Variants in SPDYE12 observed in about 807,000 individuals in gnomAD.
The protein encoded by SPDYE12 is speedy protein E12.
At chr7:74,910,373 A>C in the SPDYE12 span, among the ~76,000 whole-genome samples, 1 of 150,652 alleles carries the variant, frequency 6.6e-6, no homozygotes, top group Non-Finnish European at 1.5e-5. Flanking sequence ...CAGAAAAAAA[A>C]ATGTGTGGGT....
chr7:74,904,626 G>A, the SPDYE12 span, among the ~76,000 whole-genome samples: 1 of 151,288 alleles, frequency 6.6e-6, no homozygotes, highest in African/African-American at 2.4e-5. Context: ...AGATTGAAAG[G>A]TAAAAGATTT....
At chr7:74,909,472 C>T in the SPDYE12 span, 13 of 1,227,416 alleles carry the variant, frequency 1.1e-5, 1 homozygote, top group African/African-American at 1.2e-4. Context: ...ACTTCCCCCG[C>T]TGTCCCAGGG....
chr7:74,910,256 G>T, the SPDYE12 span, among the ~76,000 whole-genome samples: 1 of 146,582 alleles, frequency 6.8e-6, no homozygotes, highest in Non-Finnish European at 1.5e-5. Context: ...CCTAGTCCCA[G>T]CTCCTCAGGA....
chr7:74,908,726 T>C, the SPDYE12 span, among the ~76,000 whole-genome samples: 2 of 122,464 alleles, frequency 1.6e-5, no homozygotes, highest in Non-Finnish European at 3.2e-5. Flanking sequence ...CAGGCTGGAG[T>C]GCAGTGGTGC....
chr7:74,907,727 G>C, the SPDYE12 span, among the ~76,000 whole-genome samples: 1 of 140,534 alleles, frequency 7.1e-6, no homozygotes, highest in Non-Finnish European at 1.5e-5. Flanking sequence ...CAACACTCTT[G>C]TCTTGATAAA....
At chr7:74,910,611 C>G in the SPDYE12 span, among the ~76,000 whole-genome samples, 13 of 151,100 alleles carry the variant, frequency 8.6e-5, 1 homozygote, top group Admixed American at 2.7e-4. Flanking sequence ...ATCGCTTGAA[C>G]CCAGGAGGCA....
At chr7:74,910,988 A>G in the SPDYE12 span, 2 of 931,018 alleles carry the variant, frequency 2.1e-6, no homozygotes, top group Non-Finnish European at 3.3e-6. Flanking sequence ...TCCCGGGGGA[A>G]AGTCTCAGGA....
At chr7:74,908,661 CTTTTTTTTTTTTTTTTTT>C in the SPDYE12 span, among the ~76,000 whole-genome samples, 1 of 58,598 alleles carries the variant, frequency 1.7e-5, no homozygotes, top group Non-Finnish European at 2.9e-5. Flanking sequence ...GTTTTTTGTT[CTTTTTTTTTTTTTTTTTT>C]TTTTTTTTTT....
the SPDYE12 span, among the ~76,000 whole-genome samples, chr7:74,910,029 T>C: frequency 6.6e-6 from 1 of 150,676 alleles, no homozygotes; most frequent in Non-Finnish European, 1.5e-5. Context: ...TCATTCACTC[T>C]GCAAGAGACC....
the SPDYE12 span, among the ~76,000 whole-genome samples, chr7:74,914,775 TAGTC>T: frequency 2.7e-5 from 4 of 147,310 alleles, no homozygotes; most frequent in Non-Finnish European, 6.0e-5. Flanking sequence ...TACAAAAAAT[TAGTC>T]AGGCATGGTG....
chr7:74,904,472 A>G, the SPDYE12 span, among the ~76,000 whole-genome samples: 219 of 151,408 alleles, frequency 1.4e-3, 4 homozygotes, highest in East Asian at 0.034. Context: ...CATTTCAAAC[A>G]TACACTAAAT....
the SPDYE12 span, among the ~76,000 whole-genome samples, chr7:74,909,141 C>A: frequency 1.3e-5 from 2 of 148,700 alleles, no homozygotes; most frequent in Admixed American, 1.4e-4. Context: ...GCAACCTCCA[C>A]CTCCTGGGTT....
At chr7:74,907,468 A>G in the SPDYE12 span, among the ~76,000 whole-genome samples, 2 of 151,562 alleles carry the variant, frequency 1.3e-5, no homozygotes, top group South Asian at 4.2e-4. Flanking sequence ...GCGGTGGCTC[A>G]TGCCTGTAAT....
At chr7:74,909,053 C>CTTTTTT in the SPDYE12 span, among the ~76,000 whole-genome samples, 6 of 46,270 alleles carry the variant, frequency 1.3e-4, no homozygotes, top group East Asian at 7.9e-4. Flanking sequence ...TTTTTTTTGG[C>CTTTTTT]TTTTTTTTTT....
chr7:74,908,005 A>G, the SPDYE12 span, among the ~76,000 whole-genome samples: 2 of 150,908 alleles, frequency 1.3e-5, no homozygotes, highest in Admixed American at 1.3e-4. Context: ...ACTGGGAGTA[A>G]TCAGGGGAGA....
At chr7:74,908,432 A>G in the SPDYE12 span, among the ~76,000 whole-genome samples, 1 of 71,502 alleles carries the variant, frequency 1.4e-5, no homozygotes, top group Non-Finnish European at 2.7e-5. Flanking sequence ...ACTCCAGGAA[A>G]CCCCAGCAGG....
At chr7:74,906,991 A>G in the SPDYE12 span, 4 of 1,588,766 alleles carry the variant, frequency 2.5e-6, no homozygotes, top group Admixed American at 3.4e-5. Context: ...CTGGAACCAA[A>G]GCTCACGGAG....
At chr7:74,908,621 TC>T in the SPDYE12 span, among the ~76,000 whole-genome samples, 1 of 143,568 alleles carries the variant, frequency 7.0e-6, no homozygotes, top group Non-Finnish European at 1.5e-5. Flanking sequence ...CCTTTTCTTC[TC>T]CCCTTAGGAG....
the SPDYE12 span, among the ~76,000 whole-genome samples, chr7:74,909,164 T>C: frequency 2.0e-5 from 3 of 149,824 alleles, no homozygotes; most frequent in African/African-American, 7.3e-5. Flanking sequence ...AGGGGTTCTC[T>C]TGCCTCAGCC....
Sources: allele counts gnomAD v4.1 joint callset (sites outside exome capture counted in the v4.1 genomes callset), GRCh38; gene constraint gnomAD v4.1.1; transcripts MANE v1.5; gene names NCBI Gene and HGNC (gene_info 2026-07-23, HGNC 2026-07-21).